Variants in GRM7 observed in about 807,000 individuals in gnomAD.
GRM7 encodes metabotropic glutamate receptor 7.
Under a neutral mutation model 84.5 loss-of-function variants are expected in GRM7, and 35 were observed. The ratio of observed to expected loss-of-function variants is 0.41; its 90% CI spans 0.32 to 0.55. The LOEUF is 0.55. Ranked by LOEUF, GRM7 falls within the 20% of genes least tolerant of loss-of-function variation. The pLI is 0.19. For synonymous variants in GRM7, 487 were observed against 455.1 expected, an observed-to-expected ratio of 1.07 and a Z score of -0.89; for missense variants, 1,003 against 1,194.6, an observed-to-expected ratio of 0.84 and a Z score of 2.36.
chr3:7,231,115 G>A (rs183977947), intron 2 of GRM7, among the ~76,000 whole-genome samples: 1 of 152,128 alleles, frequency 6.6e-6, no homozygotes, highest in Non-Finnish European at 1.5e-5. Flanking sequence ...GGCTCTGTCT[G>A]GCAAACTGCA....
chr3:7,549,880 A>G (rs1693363678), intron 7 of GRM7, among the ~76,000 whole-genome samples: 1 of 152,236 alleles, frequency 6.6e-6, no homozygotes. Context: ...AATGTATTCA[A>G]ATGGTCCAAA....
chr3:7,593,159 T>C (rs922038830), intron 8 of GRM7, among the ~76,000 whole-genome samples: 1 of 152,236 alleles, frequency 6.6e-6, no homozygotes, highest in African/African-American at 2.4e-5. Flanking sequence ...TCATTGCTTC[T>C]GGCAATTGCC....
chr3:7,580,743 G>A (rs1331244864), intron 8 of GRM7, among the ~76,000 whole-genome samples: 2 of 152,038 alleles, frequency 1.3e-5, no homozygotes, highest in South Asian at 2.1e-4. Flanking sequence ...TAAAATATAC[G>A]CTCAATAAGC....
intron 1 of GRM7, among the ~76,000 whole-genome samples, chr3:6,900,804 C>T (rs1303455160): frequency 1.3e-5 from 2 of 152,108 alleles, no homozygotes; most frequent in African/African-American, 4.8e-5. Context: ...AGCTTTTTGG[C>T]CCAAATAAGG....
intron 5 of GRM7, among the ~76,000 whole-genome samples, chr3:7,434,932 T>C (rs1204034642): frequency 1.3e-5 from 2 of 152,208 alleles, no homozygotes; most frequent in African/African-American, 2.4e-5. Flanking sequence ...GCCTGGACTT[T>C]ACTTTCTGGG....
chr3:7,436,788 A>T (rs958200323), intron 5 of GRM7, among the ~76,000 whole-genome samples: 2 of 152,066 alleles, frequency 1.3e-5, no homozygotes, highest in Admixed American at 1.3e-4. Flanking sequence ...GTGCCTATGA[A>T]CTTTGCAGTC....
chr3:7,653,574 G>A (rs1190263076), intron 8 of GRM7, among the ~76,000 whole-genome samples: 2 of 152,126 alleles, frequency 1.3e-5, no homozygotes, highest in Non-Finnish European at 2.9e-5. Context: ...GCCACCAGAT[G>A]TAAACAGGTT....
Position 6,861,596 on chromosome 3 carries a change from A to G in GRM7, c.208A>G (p.Ile70Val). Residue 70 changes from isoleucine (I) to valine (V), a missense_variant, in exon 1 of 10, where the codon ATC becomes GTC. By Grantham distance (29) the Ile-to-Val change is conservative. Around this residue, in one of 2 missense-constraint regions of GRM7, gnomAD observed 910 missense variants for 1,126.0 expected, o/e 0.81. Transcript: ENST00000357716. The surrounding 1 kb of genome is among the most constrained non-coding windows in gnomAD (Gnocchi z 6.4). Reference protein sequence around the residue: ...KGPSGVPCGDIKRENGIHRLE... With the variant: ...KGPSGVPCGDVKRENGIHRLE... ...TCCCAGCGGAGTGCCCTGCGGCGAC[A>G]TCAAGAGGGAAAACGGGATCCACAG... The G allele has an allele frequency of 6.2e-7, 1 of 1,611,052 alleles. No individual in the cohort carries two copies. The highest frequency in any genetic ancestry group is 8.5e-7 in the Non-Finnish European group (1 of 1,178,462).
chr3:7,356,766 T>A (rs1157074365), intron 4 of GRM7, among the ~76,000 whole-genome samples: 1 of 152,108 alleles, frequency 6.6e-6, no homozygotes, highest in Non-Finnish European at 1.5e-5. Context: ...CTCAGGCCTT[T>A]GGCCTCACAC....
chr3:7,198,202 G>T (rs191802733), intron 2 of GRM7, among the ~76,000 whole-genome samples: 121 of 151,474 alleles, frequency 8.0e-4, no homozygotes, highest in African/African-American at 2.8e-3. Flanking sequence ...ACTAGCTAAA[G>T]GGAGATATAA....
In GRM7 at chr3:6,862,458, C is replaced by T. The variant is rs1238390314; in HGVS notation, c.519+551C>T. 6.6e-6 allele frequency among the ~76,000 whole-genome samples: 1 copy of T among 152,138 alleles called. No individual in the cohort carries two copies. The highest frequency in any genetic ancestry group is 1.5e-5 in the Non-Finnish European group (1 of 68,028). ...GTGGATGTTAAGTCCGCATCTCCCTCGGGCTGATTTCCCGACCTGTAGCCA... is the reference window on the plus strand; with the variant it reads ...GTGGATGTTAAGTCCGCATCTCCCTTGGGCTGATTTCCCGACCTGTAGCCA... On this transcript the variant is annotated intron_variant, in intron 1 of 9. Coordinates refer to ENST00000357716, the MANE Select transcript of GRM7 (RefSeq NM_000844.4). This position sits in a 1 kb window ranked among gnomAD's most constrained non-coding sequence, Gnocchi z 5.2.
chr3:7,489,416 A>C (rs768800988), intron 7 of GRM7, among the ~76,000 whole-genome samples: 4 of 152,130 alleles, frequency 2.6e-5, no homozygotes, highest in African/African-American at 9.7e-5. Flanking sequence ...AGCTCTGAAT[A>C]CTAATTTAAA....
At chr3:7,501,906 GT>G (rs1699895566) in intron 7 of GRM7, among the ~76,000 whole-genome samples, 10 of 152,186 alleles carry the variant, frequency 6.6e-5, no homozygotes. Flanking sequence ...CATAAGGGAT[GT>G]CATATAAAAC....
chr3:7,613,939 GA>G (rs1258265272), intron 8 of GRM7, among the ~76,000 whole-genome samples: 4 of 152,162 alleles, frequency 2.6e-5, no homozygotes, highest in African/African-American at 9.7e-5. Context: ...GAAAGTGCCT[GA>G]ACCTAAAGGC....
intron 8 of GRM7, among the ~76,000 whole-genome samples, chr3:7,637,594 G>A (rs574656916): frequency 9.9e-5 from 15 of 152,242 alleles, no homozygotes; most frequent in African/African-American, 3.1e-4. Context: ...GGAGCCTATC[G>A]CCTGTTAGGT....
At chr3:7,683,350 T>G (rs1575628158) in intron 9 of GRM7, among the ~76,000 whole-genome samples, 1 of 152,232 alleles carries the variant, frequency 6.6e-6, no homozygotes, top group African/African-American at 2.4e-5. Flanking sequence ...GTTGTTCTAG[T>G]GTCTACATAG....
intron 7 of GRM7, among the ~76,000 whole-genome samples, chr3:7,469,676 T>G (rs1034769369): frequency 6.6e-6 from 1 of 152,180 alleles, no homozygotes; most frequent in African/African-American, 2.4e-5. Flanking sequence ...TGATCATATC[T>G]GTGAACCAGG....
chr3:7,270,505 T>C (rs1322082802), intron 2 of GRM7, among the ~76,000 whole-genome samples: 1 of 152,194 alleles, frequency 6.6e-6, no homozygotes, highest in Non-Finnish European at 1.5e-5. Context: ...TGAATTATTA[T>C]TATTTTTTCT....
chr3:6,878,538 AC>A (rs1695397013), intron 1 of GRM7, among the ~76,000 whole-genome samples: 1 of 140,528 alleles, frequency 7.1e-6, no homozygotes, highest in Non-Finnish European at 1.6e-5. Context: ...TAAGAGATTA[AC>A]ATAAAATAAT....
Sources: allele counts gnomAD v4.1 joint callset (sites outside exome capture counted in the v4.1 genomes callset), GRCh38; gene constraint gnomAD v4.1.1; regional missense constraint gnomAD v4.1.1; non-coding constraint Gnocchi (gnomAD v3.1); transcripts MANE v1.5; gene names NCBI Gene and HGNC (gene_info 2026-07-23, HGNC 2026-07-21).